Variants in PLD3 observed in about 807,000 individuals in gnomAD.
PLD3 encodes the protein 5'-3' exonuclease PLD3.
PLD3 carries 31 observed loss-of-function variants against 58.4 expected under a neutral mutation model. The observed-to-expected ratio is 0.53, with a 90% confidence interval of 0.40 to 0.72. The LOEUF (loss-of-function observed/expected upper bound fraction) is 0.72. Ranked by LOEUF, PLD3 falls within the 30% of genes least tolerant of loss-of-function variation. PLD3 has a pLI of 0.00. For missense variants in PLD3, 595 were observed against 659.8 expected (o/e 0.90, Z 1.08); for synonymous variants, 264 against 273.4 (o/e 0.97, Z 0.34).
chr19:40,367,209 C>G (rs146886392), intron 5 of PLD3: 1 of 385,438 alleles, frequency 2.6e-6, no homozygotes, highest in East Asian at 4.3e-5. Flanking sequence ...TAGACAGACA[C>G]GCAGAGGATC....
At chr19:40,377,679 A>C in intron 11 of PLD3, 107 bp from the exon 12 acceptor site, 1 of 765,026 alleles carries the variant, frequency 1.3e-6, no homozygotes, top group Non-Finnish European at 2.2e-6. Context: ...TTCTGTGGGA[A>C]GCAGTGGAGT....
At chr19:40,361,662 A>G (rs572949552) in intron 1 of PLD3, among the ~76,000 whole-genome samples, 2 of 151,944 alleles carry the variant, frequency 1.3e-5, no homozygotes, top group Non-Finnish European at 2.9e-5. Flanking sequence ...TTTTTCCCAC[A>G]GATGTCCATC....
Position 40,376,627 on chromosome 19 carries a change from C to T in PLD3, c.1038C>T (p.Asp346=), listed in dbSNP as rs115847735. Residue 346 remains aspartate (D), a synonymous_variant, in exon 11 of 13, where the codon GAC becomes GAT. Transcript: ENST00000409735. ...SHPHRFWPAI[D]DGLRRATYER... is the part of the protein sequence containing the mutation. ...TCCTCAGGTTCTGGCCTGCCATTGA[C>T]GATGGGCTGCGGCGGGCCACCTACG... is the stretch of plus-strand genomic sequence containing the variant. 2.7e-4 allele frequency: 442 copies of T among 1,609,638 alleles called. No homozygotes were observed. In the African/African-American group the frequency reaches 4.6e-3, roughly 17 times the overall value.
chr19:40,350,214 C>T (rs1012081385), intron 1 of PLD3, among the ~76,000 whole-genome samples: 6 of 135,926 alleles, frequency 4.4e-5, no homozygotes, highest in African/African-American at 1.1e-4. Context: ...GAGCCTAGAT[C>T]GTGCCATTGC....
intron 6 of PLD3, among the ~76,000 whole-genome samples, chr19:40,368,444 C>G (rs1209176960): frequency 6.6e-6 from 1 of 152,196 alleles, no homozygotes; most frequent in Admixed American, 6.5e-5. Context: ...ACTTAAAGAA[C>G]ATAAAAGCTT....
chr19:40,377,091 GA>G (rs1375484413), intron 11 of PLD3, among the ~76,000 whole-genome samples: 4 of 144,416 alleles, frequency 2.8e-5, no homozygotes, highest in Admixed American at 2.1e-4. Context: ...CTGGGATGGG[GA>G]GGCACAGGCA....
At chr19:40,352,413 GAAC>G (rs1300202086) in intron 1 of PLD3, among the ~76,000 whole-genome samples, 1 of 152,162 alleles carries the variant, frequency 6.6e-6, no homozygotes, top group Non-Finnish European at 1.5e-5. Context: ...TACAGATGAT[GAAC>G]AACAGGAGAG....
rs1464196057 is a variant in PLD3, at chr19:40,378,022, C to T, written c.1322C>T (p.Thr441Met). 4 of 1,613,348 alleles carry T rather than the reference C, an allele frequency of 2.5e-6. No individual in the cohort carries two copies. The highest frequency in any genetic ancestry group is 1.7e-5 in the Admixed American group (1 of 59,960). ...TGGTCTGGCAACTACTTCACGGAGA[C>T]GGCGGGCACCTCGCTGCTGGTGACG... Reference protein sequence around the residue: ...SNWSGNYFTETAGTSLLVTQN... With the variant: ...SNWSGNYFTEMAGTSLLVTQN... The change falls in exon 13 of 13, where the codon ACG (threonine) becomes ATG (methionine). Residue 441 changes from threonine to methionine, a missense_variant. Physicochemically the swap from Thr to Met is moderately conservative, Grantham distance 81. Transcript: ENST00000409735.
rs145087519 is a variant in PLD3, at chr19:40,364,130, C to A, written c.-278-1588C>A. On this transcript the variant is annotated intron_variant, in intron 1 of 12. Transcript: ENST00000409735. ...CAGCACTTTGGGAGGCCAAGGCAGG[C>A]GGATCACGAGGTCAGGAGTTCGAGA... Among the ~76,000 whole-genome samples, 81 of 150,498 alleles carry A rather than the reference C, an allele frequency of 5.4e-4. No homozygotes were observed. The East Asian group carries it at 0.013, about 23-fold the overall frequency.
chr19:40,372,040 C>T (rs769987593), intron 9 of PLD3, among the ~76,000 whole-genome samples, 167 bp downstream of exon 9: 5 of 152,274 alleles, frequency 3.3e-5, no homozygotes, highest in Admixed American at 2.0e-4. Context: ...CAACATCCCT[C>T]GGCCTCTATT....
chr19:40,366,391 C>T, intron 2 of PLD3, 28 bp from the exon 3 acceptor site: 4 of 1,060,180 alleles, frequency 3.8e-6, no homozygotes, highest in South Asian at 3.8e-5. Flanking sequence ...TAGAACACCC[C>T]ACACAGTGCC....
rs2079276833 is a variant in PLD3, at chr19:40,377,858, A to G, written c.1258A>G (p.Met420Val). 1.5e-5 allele frequency: 25 copies of G among 1,613,812 alleles called. No individual in the cohort carries two copies. Among genetic ancestry groups the G allele is most frequent in the Middle Eastern group, 3.3e-4 (2 of 6,082 alleles). ...PYARVNHNKY[M>V]VTERATYIGT... is the part of the protein sequence containing the mutation. ...TGCCCGTGTCAACCACAACAAGTACATGGTGACTGAACGCGCCACCTACAT... is the reference window on the plus strand; with the variant it reads ...TGCCCGTGTCAACCACAACAAGTACGTGGTGACTGAACGCGCCACCTACAT... The change falls in exon 12 of 13, where the codon ATG becomes GTG. Residue 420 changes from methionine to valine, a missense_variant. By Grantham distance (21) the Met-to-Val change is conservative. Transcript: ENST00000409735.
chr19:40,350,175 G>A (rs994297264), intron 1 of PLD3, among the ~76,000 whole-genome samples: 1 of 144,062 alleles, frequency 6.9e-6, no homozygotes, highest in East Asian at 2.2e-4. Context: ...CAGGAGAATC[G>A]TTCGAATCTG....
chr19:40,371,681 G>A lies in PLD3; in HGVS notation c.687G>A (p.Glu229=), dbSNP rs1386190976. 1.2e-6 allele frequency: 2 copies of A among 1,612,810 alleles called. No homozygotes were observed. The highest frequency in any genetic ancestry group is 2.7e-5 in the African/African-American group (2 of 74,886). Residue 229 remains glutamate, a synonymous_variant, in exon 9 of 13, where the codon GAG becomes GAA. Coordinates refer to ENST00000409735, the MANE Select transcript of PLD3 (RefSeq NM_012268.4). ...GCACTGCCCTCCTACAGGTCAAGGA[G>A]CTGGGCGTGGTCATGTACAACTGCA... ...MDWRSLTQVK[E]LGVVMYNCSC...
At chr19:40,361,720 C>G (rs1378720292) in intron 1 of PLD3, among the ~76,000 whole-genome samples, 1 of 151,980 alleles carries the variant, frequency 6.6e-6, no homozygotes, top group African/African-American at 2.4e-5. Context: ...CTCAGTGAGG[C>G]CTTTTCTGAC....
intron 1 of PLD3, 142 bp from the exon 2 acceptor site, chr19:40,365,574 CAA>C (rs998799827): frequency 5.9e-5 from 9 of 152,240 alleles, no homozygotes; most frequent in African/African-American, 1.9e-4. Flanking sequence ...CCATGGTACA[CAA>C]ATTCACAAGG....
chr19:40,352,729 G>A (rs1302758879), intron 1 of PLD3, among the ~76,000 whole-genome samples: 4 of 152,178 alleles, frequency 2.6e-5, no homozygotes, highest in Admixed American at 1.3e-4. Flanking sequence ...TTGAGAGGTT[G>A]AGGTAGGCAG....
intron 8 of PLD3, among the ~76,000 whole-genome samples, chr19:40,371,305 A>G (rs553752531): frequency 1.2e-3 from 178 of 152,202 alleles, no homozygotes; most frequent in Non-Finnish European, 1.9e-3. Flanking sequence ...GTTTGTCACC[A>G]GAAAGAATGA....
chr19:40,354,133 G>T (rs1416976979), intron 1 of PLD3, among the ~76,000 whole-genome samples: 1 of 148,958 alleles, frequency 6.7e-6, no homozygotes, highest in East Asian at 2.0e-4. Flanking sequence ...GAGTGCAGTG[G>T]CGCGATCTCG....
Sources: gnomAD v4.1 joint callset for allele counts (sites outside exome capture counted in the v4.1 genomes callset) on GRCh38, gnomAD v4.1.1 for gene constraint, MANE v1.5 for transcripts, NCBI Gene and HGNC (gene_info 2026-07-23, HGNC 2026-07-21) for gene names.